The following BBX variants were observed in gnomAD, a reference collection of about 807,000 sequenced individuals.
BBX encodes BBX high mobility group box domain containing.
In BBX, 30 loss-of-function variants were observed where a neutral mutation model predicts 100.2. The observed-to-expected ratio is 0.30, with a 90% CI of 0.22 to 0.41. The LOEUF is 0.41. Ranked by LOEUF, BBX falls within the 10% of genes least tolerant of loss-of-function variation. The probability of loss-of-function intolerance (pLI) is 1.00; values close to 1 mark genes in which losing one functional copy is unlikely to be tolerated. For synonymous variants in BBX, 376 were observed against 388.1 expected (o/e 0.97, Z 0.37); for missense variants, 1,023 against 1,129.8 (o/e 0.91, Z 1.35).
At chr3:107,606,526 C>T (rs1251184396) in intron 2 of BBX, among the ~76,000 whole-genome samples, 1 of 152,172 alleles carries the variant, frequency 6.6e-6, no homozygotes, top group Non-Finnish European at 1.5e-5. Flanking sequence ...ACTTTTGAAA[C>T]ATCCTTGGTT....
chr3:107,624,448 T>C (rs2056019770), intron 2 of BBX, among the ~76,000 whole-genome samples: 2 of 152,222 alleles, frequency 1.3e-5, no homozygotes, highest in Admixed American at 1.3e-4. Flanking sequence ...GCAAAAAATA[T>C]ACAGTGTATG....
chr3:107,574,579 A>G (rs1227921624), intron 2 of BBX, among the ~76,000 whole-genome samples: 1 of 152,206 alleles, frequency 6.6e-6, no homozygotes, highest in Non-Finnish European at 1.5e-5. Flanking sequence ...GAAATGAAGT[A>G]AAGGAAATTC....
At chr3:107,564,684 G>GT (rs1454608828) in intron 2 of BBX, among the ~76,000 whole-genome samples, 1 of 151,952 alleles carries the variant, frequency 6.6e-6, no homozygotes, top group Non-Finnish European at 1.5e-5. Flanking sequence ...TTTTTGAGAT[G>GT]TTTTTTTGAA....
At chr3:107,581,454 G>T (rs1026588406) in intron 2 of BBX, among the ~76,000 whole-genome samples, 1 of 151,446 alleles carries the variant, frequency 6.6e-6, no homozygotes, top group Admixed American at 6.6e-5. Flanking sequence ...TTCCTACCAG[G>T]TTTGAAGTGA....
At chr3:107,594,950 C>T (rs1476092687) in intron 2 of BBX, among the ~76,000 whole-genome samples, 2 of 152,158 alleles carry the variant, frequency 1.3e-5, no homozygotes, top group Admixed American at 1.3e-4. Context: ...ATTATGTTGT[C>T]TGGATTCAAA....
At chr3:107,799,970 T>C (rs1447536417) in intron 16 of BBX, among the ~76,000 whole-genome samples, 1 of 152,248 alleles carries the variant, frequency 6.6e-6, no homozygotes, top group Non-Finnish European at 1.5e-5. Context: ...TTTTATTTTA[T>C]GTGATTTGGG....
chr3:107,712,347 A>C (rs2107323632), intron 4 of BBX, among the ~76,000 whole-genome samples: 1 of 152,232 alleles, frequency 6.6e-6, no homozygotes, highest in South Asian at 2.1e-4. Flanking sequence ...TTTACTTGGT[A>C]TATCCATTAG....
intron 3 of BBX, among the ~76,000 whole-genome samples, chr3:107,650,145 G>C (rs2107803947): frequency 6.6e-6 from 1 of 152,206 alleles, no homozygotes; most frequent in East Asian, 1.9e-4. Flanking sequence ...CTTAAAGCAG[G>C]GGTCCCCGAC....
At chr3:107,655,582 C>T (rs2058088678) in intron 3 of BBX, among the ~76,000 whole-genome samples, 2 of 140,308 alleles carry the variant, frequency 1.4e-5, no homozygotes, top group African/African-American at 5.3e-5. Context: ...GCAGTAGTTT[C>T]ATCAGAGCTC....
chr3:107,727,077 T>G lies in BBX; in HGVS notation c.406-1688T>G, dbSNP rs945980563. The stretch of plus-strand genomic sequence containing the variant: ...TTTTTCACAATTATGACTTTCTTCT[T>G]AAAAATTTTAAACTACCCCCCCCAA... On this transcript the variant is annotated intron_variant, in intron 5 of 17. Transcript: ENST00000325805. Among the ~76,000 whole-genome samples, 12 of 151,604 alleles carry G rather than the reference T, an allele frequency of 7.9e-5. No individual in the cohort carries two copies. The East Asian group carries it at 2.3e-3, about 29-fold the overall frequency.
At chr3:107,689,106 T>C (rs1470128248) in intron 3 of BBX, among the ~76,000 whole-genome samples, 1 of 152,242 alleles carries the variant, frequency 6.6e-6, no homozygotes, top group African/African-American at 2.4e-5. Context: ...TTGGTTCTTT[T>C]TCAAATTTTC....
At chr3:107,617,032 A>G (rs2055343821) in intron 2 of BBX, among the ~76,000 whole-genome samples, 1 of 152,124 alleles carries the variant, frequency 6.6e-6, no homozygotes, top group Non-Finnish European at 1.5e-5. Flanking sequence ...TGCATTTTAC[A>G]TTTAAGTCCA....
At chr3:107,682,825 A>G (rs190764098) in intron 3 of BBX, among the ~76,000 whole-genome samples, 16 of 152,288 alleles carry the variant, frequency 1.1e-4, no homozygotes, top group South Asian at 4.1e-4. Flanking sequence ...AACAAGTGTG[A>G]AAAGATGTCA....
At position 107,748,029 on chromosome 3, in the gene BBX, A is replaced by G; in HGVS notation, c.815A>G (p.Gln272Arg). The part of the protein sequence containing the change: ...TKQCQTSALF[Q>R]FAEISSNTSQ... ...CAGTGTCAAACATCTGCCTTGTTTC[A>G]GTTTGCAGAGGTATGGCCTTTTTAA... Residue 272 changes from glutamine to arginine, a missense_variant, in exon 9 of 18, where the codon CAG becomes CGG. Transcript: ENST00000325805. The G allele has an allele frequency of 6.2e-7, 1 of 1,613,308 alleles. No individual in the cohort carries two copies. The highest frequency in any genetic ancestry group is 8.5e-7 in the Non-Finnish European group (1 of 1,179,418).
At chr3:107,661,763 T>C in intron 3 of BBX, 1 of 528,476 alleles carries the variant, frequency 1.9e-6, no homozygotes, top group Non-Finnish European at 2.4e-6. Context: ...CTCTGTTTAT[T>C]TCCATGTTTC....
intron 7 of BBX, among the ~76,000 whole-genome samples, chr3:107,733,405 G>T (rs1248105886): frequency 6.6e-6 from 1 of 152,154 alleles, no homozygotes; most frequent in African/African-American, 2.4e-5. Context: ...CTAAAAATTT[G>T]CAGCTGTCAG....
Position 107,578,712 on chromosome 3 carries a change from C to G in BBX, c.-84+52314C>G, listed in dbSNP as rs374308867. Among the ~76,000 whole-genome samples, 243 of 152,204 alleles carry G rather than the reference C, an allele frequency of 1.6e-3. 6 individuals are homozygous for G. The South Asian group carries it at 0.049, about 31-fold the overall frequency. On this transcript the variant is annotated intron_variant, in intron 2 of 17. Coordinates refer to ENST00000325805, the MANE Select transcript of BBX (RefSeq NM_001142568.3). ...GCAGGAAGGAGAAGCACAGCACACTCAGCTCAAAGGGAGGTGCCTCCTCCC... is the reference window on the plus strand; with the variant it reads ...GCAGGAAGGAGAAGCACAGCACACTGAGCTCAAAGGGAGGTGCCTCCTCCC...
intron 2 of BBX, among the ~76,000 whole-genome samples, chr3:107,603,672 C>T (rs1013866785): frequency 6.6e-6 from 1 of 152,120 alleles, no homozygotes; most frequent in Non-Finnish European, 1.5e-5. Context: ...GCCACCGTAC[C>T]CGGCCTCCTT....
At chr3:107,662,649 T>G (rs1394900722) in intron 3 of BBX, 14 of 151,708 alleles carry the variant, frequency 9.2e-5, no homozygotes, top group African/African-American at 3.4e-4. Context: ...CTGGGTTTTT[T>G]TTTTTTTTTT....
Sources: gnomAD v4.1 joint callset for allele counts (sites outside exome capture counted in the v4.1 genomes callset) on GRCh38, gnomAD v4.1.1 for gene constraint, MANE v1.5 for transcripts, NCBI Gene and HGNC (gene_info 2026-07-23, HGNC 2026-07-21) for gene names.